Variants in SLC30A4 observed in about 807,000 individuals in gnomAD.
The protein encoded by SLC30A4 is solute carrier family 30 member 4, also known as probable proton-coupled zinc antiporter SLC30A4.
A neutral mutation model predicts 41.7 loss-of-function variants in SLC30A4; 20 were observed. That is an observed-to-expected ratio of 0.48 (90% confidence interval 0.34 to 0.70). The LOEUF is 0.70. Ranked by LOEUF, SLC30A4 falls within the 30% of genes least tolerant of loss-of-function variation. The pLI, the probability that SLC30A4 is intolerant of heterozygous loss-of-function variation, is 0.01. For missense variants in SLC30A4, 441 were observed against 529.3 expected, an observed-to-expected ratio of 0.83 and a Z score of 1.64; for synonymous variants, 181 against 195.9, an observed-to-expected ratio of 0.92 and a Z score of 0.64.
intron 5 of SLC30A4, among the ~76,000 whole-genome samples, chr15:45,488,150 T>C (rs1357648490): frequency 6.6e-6 from 1 of 152,132 alleles, no homozygotes; most frequent in African/African-American, 2.4e-5. Flanking sequence ...AACTCAAGTT[T>C]AGAGTTCAGG....
intron 2 of SLC30A4, among the ~76,000 whole-genome samples, chr15:45,515,033 C>T (rs1008968152): frequency 2.0e-5 from 3 of 151,462 alleles, no homozygotes; most frequent in East Asian, 1.9e-4. Flanking sequence ...GCATGTGCCA[C>T]CACACCTTGC....
intron 3 of SLC30A4, chr15:45,497,328 C>T (rs1298543558): frequency 6.6e-6 from 1 of 152,266 alleles, no homozygotes; most frequent in Non-Finnish European, 1.5e-5. Flanking sequence ...TATCAGCCTC[C>T]CAAACTGCTG....
rs1334250331 is a variant in SLC30A4 at position 45,484,126 on chromosome 15, A to AT, written c.*1036dup. The AT allele has an allele frequency of 5.9e-5, 9 of 152,734 alleles. No individual in the cohort carries two copies. In the East Asian group the frequency reaches 1.7e-3, roughly 29 times the overall value. The allele number at this position is 152,734 out of a possible 1,614,324, so 9.5% of individuals were successfully genotyped here. On this transcript the variant is annotated 3_prime_UTR_variant, in exon 8 of 8. Transcript: ENST00000261867. ...CTCTCTGGATTAATGTTGTTGAACT[A>AT]TATGTGAAAGGTGGGAATTATAAAC...
chr15:45,512,958 G>A (rs1892343645), intron 2 of SLC30A4, among the ~76,000 whole-genome samples: 1 of 151,420 alleles, frequency 6.6e-6, no homozygotes, highest in Non-Finnish European at 1.5e-5. Flanking sequence ...AATGGCACCA[G>A]TTCACTCCAA....
At chr15:45,500,658 ATCT>A in intron 3 of SLC30A4, among the ~76,000 whole-genome samples, 1 of 126,884 alleles carries the variant, frequency 7.9e-6, no homozygotes, top group South Asian at 2.4e-4. Context: ...CTATCTATCT[ATCT>A]ATATGTTTTT....
intron 3 of SLC30A4, among the ~76,000 whole-genome samples, chr15:45,492,050 G>A (rs1248794977): frequency 6.6e-6 from 1 of 152,118 alleles, no homozygotes; most frequent in Admixed American, 6.5e-5. Context: ...GTATCAAATA[G>A]TATTACCTTT....
At chr15:45,491,698 T>C (rs183843347) in intron 3 of SLC30A4, among the ~76,000 whole-genome samples, 1 of 152,050 alleles carries the variant, frequency 6.6e-6, no homozygotes, top group Non-Finnish European at 1.5e-5. Flanking sequence ...CAAGACTCTA[T>C]CTCTAAAAAA....
intron 4 of SLC30A4, among the ~76,000 whole-genome samples, chr15:45,490,064 TA>T (rs1365645776): frequency 1.3e-5 from 2 of 152,184 alleles, no homozygotes; most frequent in Admixed American, 6.5e-5. Flanking sequence ...TCTAAATGAT[TA>T]AATCTGTTAA....
intron 3 of SLC30A4, among the ~76,000 whole-genome samples, chr15:45,501,289 C>G (rs561762407): frequency 6.6e-6 from 1 of 151,670 alleles, no homozygotes; most frequent in South Asian, 2.1e-4. Context: ...GCCTGGGCAA[C>G]AGAGCGAAAC....
intron 2 of SLC30A4, among the ~76,000 whole-genome samples, chr15:45,516,922 A>C (rs958950506): frequency 5.3e-5 from 8 of 152,106 alleles, no homozygotes; most frequent in African/African-American, 1.9e-4. Flanking sequence ...ATTAAAAAAA[A>C]TCTGTTTATC....
At chr15:45,511,480 C>T (rs73416403) in intron 2 of SLC30A4, among the ~76,000 whole-genome samples, 196 bp from the exon 3 acceptor site, 12,845 of 151,940 alleles carry the variant, frequency 0.085, 1,793 homozygotes, top group African/African-American at 0.29. Flanking sequence ...AGAATATCCA[C>T]TTCTTTTTTT....
chr15:45,507,888 C>A (rs1420069348), intron 3 of SLC30A4, among the ~76,000 whole-genome samples: 1 of 152,110 alleles, frequency 6.6e-6, no homozygotes, highest in Non-Finnish European at 1.5e-5. Context: ...TTCCCACATG[C>A]TGGAAGATTC....
In SLC30A4 at chr15:45,490,725, T is replaced by C; in HGVS notation, c.692+3A>G. 6.3e-7 allele frequency: 1 copy of C among 1,590,616 alleles called. No individual in the cohort carries two copies. Among genetic ancestry groups the C allele is most frequent in the African/African-American group, 1.4e-5 (1 of 74,038 alleles). On this transcript the variant is annotated splice_donor_region_variant and intron_variant, in intron 4 of 7. Coordinates refer to ENST00000261867, the MANE Select transcript of SLC30A4 (RefSeq NM_013309.6). ...ATATTAATGTGAAAAAAATAGAGCT[T>C]ACATTACATTAACTGCAACTCCAAC...
intron 6 of SLC30A4, among the ~76,000 whole-genome samples, chr15:45,486,992 C>A (rs1891716171): frequency 6.7e-6 from 1 of 148,286 alleles, no homozygotes; most frequent in Non-Finnish European, 1.5e-5. Context: ...GAATGCCAAT[C>A]AAACCAGAAT....
At chr15:45,517,964 C>T (rs1318699920) in intron 2 of SLC30A4, among the ~76,000 whole-genome samples, 1 of 151,836 alleles carries the variant, frequency 6.6e-6, no homozygotes, top group African/African-American at 2.4e-5. Flanking sequence ...AAAACAAAAA[C>T]AAAAACAAAA....
Position 45,484,372 on chromosome 15 carries a change from C to T in SLC30A4, c.*791G>A, listed in dbSNP as rs576007970. 3 of 152,250 alleles carry T rather than the reference C, an allele frequency of 2.0e-5. No individual in the cohort carries two copies. Among genetic ancestry groups the T allele is most frequent in the African/African-American group, 4.8e-5 (2 of 41,540 alleles). The allele number at this position is 152,250 out of a possible 1,614,324, so 9.4% of individuals were successfully genotyped here. Reference sequence around the variant, plus strand: ...AACCTGAAACTCCAACCCCCATCCTCGCTCTTTTATTTTGTTTTAAATCAT... The same window carrying T: ...AACCTGAAACTCCAACCCCCATCCTTGCTCTTTTATTTTGTTTTAAATCAT... On this transcript the variant is annotated 3_prime_UTR_variant, in exon 8 of 8. Transcript: ENST00000261867.
Position 45,480,070 on chromosome 15 carries a change from T to A in SLC30A4, c.*5093A>T, listed in dbSNP as rs1891581625. 6.6e-6 allele frequency: 1 copy of A among 152,232 alleles called. No homozygotes were observed. The highest frequency in any genetic ancestry group is 1.5e-5 in the Non-Finnish European group (1 of 68,048). The allele number at this position is 152,232 out of a possible 1,614,324, so 9.4% of individuals were successfully genotyped here. ...TCTTCCAGGTAGAAAGATGACATAC[T>A]GGCACATTTCAATTTTGTGTTGCAG... On this transcript the variant is annotated 3_prime_UTR_variant, in exon 8 of 8. Coordinates refer to ENST00000261867, the MANE Select transcript of SLC30A4 (RefSeq NM_013309.6).
At chr15:45,492,491 C>T (rs187127560) in intron 3 of SLC30A4, among the ~76,000 whole-genome samples, 1 of 152,028 alleles carries the variant, frequency 6.6e-6, no homozygotes, top group East Asian at 1.9e-4. Flanking sequence ...TACCTTTAGA[C>T]TAAAAAAATT....
chr15:45,487,609 G>A lies in SLC30A4; in HGVS notation c.918C>T (p.Pro306=). ...GTAATGAAAATACGTATGTACAGAT[G>A]GGGTCAGCAATCTTGTATTCTGGCT... The part of the protein sequence containing the change: ...RFKPEYKIAD[P]ICTYVFSLLV... Residue 306 remains proline, a synonymous_variant, in exon 6 of 8, where the codon CCC becomes CCT. Coordinates refer to ENST00000261867, the MANE Select transcript of SLC30A4 (RefSeq NM_013309.6). 1 of 1,570,048 alleles carries A rather than the reference G, an allele frequency of 6.4e-7. No individual in the cohort carries two copies. The highest frequency in any genetic ancestry group is 8.8e-7 in the Non-Finnish European group (1 of 1,141,182).
Sources: allele counts gnomAD v4.1 joint callset (sites outside exome capture counted in the v4.1 genomes callset), GRCh38; gene constraint gnomAD v4.1.1; transcripts MANE v1.5; gene names NCBI Gene and HGNC (gene_info 2026-07-23, HGNC 2026-07-21).